Variants in GRIA2 observed in about 807,000 individuals in gnomAD.
GRIA2 encodes glutamate ionotropic receptor AMPA type subunit 2.
In GRIA2, 14 loss-of-function variants were observed where a neutral mutation model predicts 97.3. The ratio of observed to expected loss-of-function variants is 0.14; its 90% CI spans 0.10 to 0.23. The LOEUF is 0.23. Among genes scored for constraint, GRIA2 ranks in the 10% least tolerant of loss-of-function variants. The pLI, the probability that GRIA2 is intolerant of heterozygous loss-of-function variation, is 1.00. For missense variants in GRIA2, 558 were observed against 1,069.8 expected, an observed-to-expected ratio of 0.52 and a Z score of 6.67; for synonymous variants, 412 against 387.8, an observed-to-expected ratio of 1.06 and a Z score of -0.73.
intron 2 of GRIA2, among the ~76,000 whole-genome samples, chr4:157,226,501 T>G (rs749693470): frequency 5.3e-5 from 8 of 152,092 alleles, no homozygotes; most frequent in Non-Finnish European, 1.2e-4. Context: ...TCTAAAATTA[T>G]ATTTTTTCAA....
rs1579371123 is a variant in GRIA2 at position 157,333,113 on chromosome 4, C to A, written c.1050+127C>A. The stretch of plus-strand genomic sequence containing the variant: ...CAGGCAATGTTCTTTTCTAACAACA[C>A]AAAGGTAGGTTGAAGAGAGAAACAA... On this transcript the variant is annotated intron_variant, in intron 7 of 15. Transcript: ENST00000264426. 6 of 949,022 alleles carry A rather than the reference C, an allele frequency of 6.3e-6. No individual in the cohort carries two copies. In the East Asian group the frequency reaches 1.5e-4, roughly 25 times the overall value. The allele number at this position is 949,022 out of a possible 1,614,324, so 58.8% of individuals were successfully genotyped here.
intron 2 of GRIA2, among the ~76,000 whole-genome samples, chr4:157,273,812 T>C (rs1367956743): frequency 6.6e-6 from 1 of 152,036 alleles, no homozygotes; most frequent in Non-Finnish European, 1.5e-5. Flanking sequence ...ACAGAACTAA[T>C]AATGACTGAG....
chr4:157,226,736 T>C (rs914570916), intron 2 of GRIA2, among the ~76,000 whole-genome samples: 1 of 152,082 alleles, frequency 6.6e-6, no homozygotes, highest in Non-Finnish European at 1.5e-5. Context: ...TTTGTCATGT[T>C]TGTTGAGGTA....
chr4:157,352,087 C>A (rs976349572), intron 12 of GRIA2, among the ~76,000 whole-genome samples: 1 of 152,316 alleles, frequency 6.6e-6, no homozygotes, highest in Non-Finnish European at 1.5e-5. Context: ...CTCTAATTTA[C>A]TCAAGCCTCA....
intron 2 of GRIA2, among the ~76,000 whole-genome samples, chr4:157,225,621 CT>C (rs34394801): frequency 0.18 from 25,666 of 143,894 alleles, 2,419 homozygotes; most frequent in African/African-American, 0.25. Flanking sequence ...TTCATGTTAA[CT>C]TTTTTTTTTT....
Position 157,341,495 on chromosome 4 carries a change from G to T in GRIA2, c.2043+33G>T, listed in dbSNP as rs200765955. Reference sequence around the variant, plus strand: ...ATTCTGCTTTGTAGTTTCTGATTTTGTTCCTGAAATTTAACCTATTTAAAC... The same window carrying T: ...ATTCTGCTTTGTAGTTTCTGATTTTTTTCCTGAAATTTAACCTATTTAAAC... On this transcript the variant is annotated intron_variant, in intron 12 of 15. Transcript: ENST00000264426. 25 of 1,451,868 alleles carry T rather than the reference G, an allele frequency of 1.7e-5. No individual in the cohort carries two copies. The East Asian group carries it at 3.9e-4, about 22-fold the overall frequency. The allele number at this position is 1,451,868 out of a possible 1,614,324, so 89.9% of individuals were successfully genotyped here. A position where few individuals can be genotyped will look rare whatever the true frequency, so the allele number is the denominator to read the frequency against.
At chr4:157,329,592 C>T (rs937079858) in intron 6 of GRIA2, among the ~76,000 whole-genome samples, 2 of 151,830 alleles carry the variant, frequency 1.3e-5, no homozygotes, top group Non-Finnish European at 2.9e-5. Context: ...TATTAGATCA[C>T]AGAACCCTTT....
chr4:157,315,739 C>T (rs188430836), intron 4 of GRIA2, among the ~76,000 whole-genome samples: 6 of 152,146 alleles, frequency 3.9e-5, no homozygotes, highest in Non-Finnish European at 8.8e-5. Flanking sequence ...CCGGGTATCA[C>T]CATGTTGGCC....
chr4:157,338,682 T>C (rs1389588669), intron 11 of GRIA2, among the ~76,000 whole-genome samples: 3 of 152,118 alleles, frequency 2.0e-5, no homozygotes, highest in Non-Finnish European at 4.4e-5. Context: ...AGATAGCATA[T>C]TTTTCCTTGT....
intron 15 of GRIA2, 193 bp downstream of exon 15, chr4:157,363,240 G>T: frequency 1.5e-6 from 1 of 660,188 alleles, no homozygotes; most frequent in South Asian, 2.5e-5. Flanking sequence ...CAGTAGCTTG[G>T]GTGAATGTGG....
At chr4:157,259,477 G>T (rs1330943492) in intron 2 of GRIA2, among the ~76,000 whole-genome samples, 1 of 152,014 alleles carries the variant, frequency 6.6e-6, no homozygotes, top group African/African-American at 2.4e-5. Context: ...CTCCCTTACT[G>T]CTCTGTAATC....
chr4:157,301,612 T>C (rs141029216), intron 2 of GRIA2, among the ~76,000 whole-genome samples: 70 of 152,324 alleles, frequency 4.6e-4, no homozygotes, highest in African/African-American at 1.6e-3. Flanking sequence ...ATTTTTTGAT[T>C]GTCTAGAATT....
At chr4:157,331,451 A>G (rs895078115) in intron 6 of GRIA2, among the ~76,000 whole-genome samples, 2 of 152,014 alleles carry the variant, frequency 1.3e-5, no homozygotes, top group Admixed American at 6.6e-5. Context: ...GACTTATTCA[A>G]TTTAGCTTAC....
intron 2 of GRIA2, among the ~76,000 whole-genome samples, chr4:157,300,910 G>C (rs1016574119): frequency 6.6e-6 from 1 of 152,054 alleles, no homozygotes; most frequent in Non-Finnish European, 1.5e-5. Flanking sequence ...AAAATGAAAG[G>C]TATGGCTCCT....
intron 3 of GRIA2, among the ~76,000 whole-genome samples, chr4:157,309,917 G>A (rs1403108449): frequency 2.0e-5 from 3 of 152,236 alleles, no homozygotes; most frequent in East Asian, 1.9e-4. Context: ...TATATGAATA[G>A]CACAGAGACC....
chr4:157,304,364 G>A (rs920877140), intron 3 of GRIA2, among the ~76,000 whole-genome samples: 6 of 152,106 alleles, frequency 3.9e-5, no homozygotes, highest in African/African-American at 1.4e-4. Flanking sequence ...TTTATAATGG[G>A]ATGATTTTGA....
intron 12 of GRIA2, among the ~76,000 whole-genome samples, chr4:157,349,311 C>T (rs1354061195): frequency 6.6e-6 from 1 of 151,984 alleles, no homozygotes; most frequent in Non-Finnish European, 1.5e-5. Flanking sequence ...AGCCATTTTT[C>T]CTTTTATGTT....
At chr4:157,333,777 T>G (rs183088518) in intron 8 of GRIA2, among the ~76,000 whole-genome samples, 3 of 152,140 alleles carry the variant, frequency 2.0e-5, no homozygotes, top group Admixed American at 2.0e-4. Context: ...CCCAAACAAT[T>G]ACTCTTAGAA....
chr4:157,250,438 C>T (rs1370300436), intron 2 of GRIA2, among the ~76,000 whole-genome samples: 1 of 151,990 alleles, frequency 6.6e-6, no homozygotes, highest in African/African-American at 2.4e-5. Flanking sequence ...GGTCAATTTT[C>T]GCAATTGAAG....
Sources: allele counts gnomAD v4.1 joint callset (sites outside exome capture counted in the v4.1 genomes callset), GRCh38; gene constraint gnomAD v4.1.1; transcripts MANE v1.5; gene names NCBI Gene and HGNC (gene_info 2026-07-23, HGNC 2026-07-21).